PAPPA2: variants seen among roughly 807,000 people sequenced by gnomAD.
PAPPA2 encodes the protein pappalysin 2.
A neutral mutation model predicts 176.4 loss-of-function variants in PAPPA2; 86 were observed. The observed-to-expected ratio is 0.49, with a 90% CI of 0.41 to 0.58. The LOEUF (loss-of-function observed/expected upper bound fraction) is 0.58. Ranked by LOEUF, PAPPA2 falls within the 20% of genes least tolerant of loss-of-function variation. The pLI, the probability that PAPPA2 is intolerant of heterozygous loss-of-function variation, is 0.00. For missense variants in PAPPA2, 2,073 were observed against 2,256.9 expected (o/e 0.92, Z 1.65); for synonymous variants, 809 against 852.2 (o/e 0.95, Z 0.88).
At chr1:176,687,061 T>C (rs1021218956) in intron 4 of PAPPA2, among the ~76,000 whole-genome samples, 2 of 152,232 alleles carry the variant, frequency 1.3e-5, no homozygotes, top group African/African-American at 4.8e-5. Context: ...AATATTTTGT[T>C]CTATATTTTC....
In PAPPA2 at chr1:176,556,395, G is replaced by A; in HGVS notation, c.73G>A (p.Glu25Lys). Reference protein sequence around the residue: ...AGWALCSANSELGWTRKKSLV... With the variant: ...AGWALCSANSKLGWTRKKSLV... ...GTGGGCACTCTGTTCTGCCAACTCT[G>A]AGCTGGGCTGGACACGCAAGAAATC... The change falls in exon 2 of 23, where the codon GAG becomes AAG. Residue 25 changes from glutamate to lysine, a missense_variant. This residue lies in a region of PAPPA2 where 1,196 missense variants were observed against 1,330.4 expected (regional missense o/e 0.90). Transcript: ENST00000367662. 6.2e-7 allele frequency: 1 copy of A among 1,614,196 alleles called. No homozygotes were observed. The highest frequency in any genetic ancestry group is 8.5e-7 in the Non-Finnish European group (1 of 1,180,032).
At position 176,763,670 on chromosome 1, in the gene PAPPA2, G is replaced by T. The variant is rs982445668; in HGVS notation, c.4152-1996G>T. 3.9e-5 allele frequency among the ~76,000 whole-genome samples: 6 copies of T among 152,166 alleles called. No individual in the cohort carries two copies. In the South Asian group the frequency reaches 1.2e-3, roughly 32 times the overall value. ...ACATTGAGCATTTAAGAGACACTCA[G>T]ATACTAATTACCTTGTGAATAAAAG... On this transcript the variant is annotated intron_variant, in intron 14 of 22. Coordinates refer to ENST00000367662, the MANE Select transcript of PAPPA2 (RefSeq NM_020318.3).
intron 3 of PAPPA2, among the ~76,000 whole-genome samples, chr1:176,650,871 T>C (rs1181517563): frequency 6.6e-6 from 1 of 151,720 alleles, no homozygotes; most frequent in African/African-American, 2.4e-5. Context: ...AGATCTATTA[T>C]AGGCTTTTGT....
intron 17 of PAPPA2, 142 bp from the exon 18 acceptor site, chr1:176,789,667 C>T (rs1220764591): frequency 1.2e-6 from 1 of 814,746 alleles, no homozygotes; most frequent in East Asian, 2.7e-5. Context: ...AGAAATTAGC[C>T]TAGGACAGTG....
chr1:176,770,872 C>T (rs1357946947), intron 16 of PAPPA2, 95 bp from the exon 17 acceptor site: 6 of 1,149,112 alleles, frequency 5.2e-6, no homozygotes, highest in Non-Finnish European at 7.6e-6. Context: ...TTTTGAAAGG[C>T]ACCAGTAAGT....
At chr1:176,471,163 C>T (rs964353768) in intron 1 of PAPPA2, among the ~76,000 whole-genome samples, 2 of 152,138 alleles carry the variant, frequency 1.3e-5, no homozygotes, top group African/African-American at 4.8e-5. Context: ...TAGCAAAGCT[C>T]TGTGGAGGAA....
chr1:176,831,016 T>C (rs193138689), intron 21 of PAPPA2, among the ~76,000 whole-genome samples: 1 of 152,292 alleles, frequency 6.6e-6, no homozygotes, highest in African/African-American at 2.4e-5. Flanking sequence ...AGGATCAGCT[T>C]CACTGGAGAA....
chr1:176,727,984 G>T (rs1192679743), intron 12 of PAPPA2, among the ~76,000 whole-genome samples: 1 of 151,604 alleles, frequency 6.6e-6, no homozygotes. Flanking sequence ...TGAAATTTGT[G>T]GATGCAATTA....
chr1:176,771,304 G>C, intron 17 of PAPPA2, 124 bp downstream of exon 17: 1 of 894,940 alleles, frequency 1.1e-6, no homozygotes, highest in Non-Finnish European at 1.7e-6. Flanking sequence ...CAGGCAACCT[G>C]CTGTGCTTTC....
At chr1:176,695,966 ATGTGTGTGTGTGTGTGTGTGTG>A (rs67178111) in intron 7 of PAPPA2, 107 bp downstream of exon 7, 8,633 of 852,456 alleles carry the variant, frequency 0.01, 2 homozygotes, top group Middle Eastern at 0.02. Flanking sequence ...ATGTATGTGT[ATGTGTGTGTGTGTGTGTGTGTG>A]TGTGTGTGTG....
At chr1:176,778,991 T>G (rs537907339) in intron 17 of PAPPA2, among the ~76,000 whole-genome samples, 1 of 152,254 alleles carries the variant, frequency 6.6e-6, no homozygotes, top group African/African-American at 2.4e-5. Context: ...GCAGGCCAGA[T>G]CTTGACTGCG....
chr1:176,467,661 A>G (rs115857474), intron 1 of PAPPA2, among the ~76,000 whole-genome samples: 2,124 of 152,296 alleles, frequency 0.014, 51 homozygotes, highest in African/African-American at 0.048. Flanking sequence ...GGAGCCAGCT[A>G]ACTTCACTCT....
intron 21 of PAPPA2, among the ~76,000 whole-genome samples, chr1:176,807,097 G>A (rs1665939246): frequency 6.6e-6 from 1 of 152,166 alleles, no homozygotes; most frequent in South Asian, 2.1e-4. Flanking sequence ...CATGATAAAG[G>A]ATGCACAAGT....
chr1:176,827,446 G>C (rs1407241421), intron 21 of PAPPA2, among the ~76,000 whole-genome samples: 2 of 152,046 alleles, frequency 1.3e-5, no homozygotes, highest in Non-Finnish European at 2.9e-5. Context: ...TGGCCTTCCT[G>C]CTGGGGTTAT....
intron 1 of PAPPA2, among the ~76,000 whole-genome samples, chr1:176,494,100 A>G (rs957407141): frequency 8.5e-5 from 13 of 152,188 alleles, no homozygotes; most frequent in African/African-American, 3.1e-4. Flanking sequence ...CATAAATTAG[A>G]CTGAAACTTA....
intron 3 of PAPPA2, among the ~76,000 whole-genome samples, chr1:176,615,448 C>A (rs1655148989): frequency 6.6e-6 from 1 of 152,092 alleles, no homozygotes; most frequent in Admixed American, 6.5e-5. Context: ...GTAGCTGGGA[C>A]TACAGGTGCC....
At chr1:176,600,886 C>T (rs1358080866) in intron 3 of PAPPA2, among the ~76,000 whole-genome samples, 4 of 152,148 alleles carry the variant, frequency 2.6e-5, no homozygotes, top group African/African-American at 9.7e-5. Context: ...AAATAGATCA[C>T]TAACATTCGA....
intron 3 of PAPPA2, among the ~76,000 whole-genome samples, chr1:176,647,699 C>A (rs1290098693): frequency 6.6e-6 from 1 of 151,522 alleles, no homozygotes; most frequent in African/African-American, 2.4e-5. Flanking sequence ...GTTTTTGGTA[C>A]CTTTGTCAAA....
chr1:176,502,339 T>G (rs1648014026), intron 1 of PAPPA2, among the ~76,000 whole-genome samples: 1 of 152,228 alleles, frequency 6.6e-6, no homozygotes, highest in Admixed American at 6.5e-5. Context: ...ATAACATAGC[T>G]GTGAAGATAG....
Sources: allele counts gnomAD v4.1 joint callset (sites outside exome capture counted in the v4.1 genomes callset), GRCh38; gene constraint gnomAD v4.1.1; regional missense constraint gnomAD v4.1.1; transcripts MANE v1.5; gene names NCBI Gene and HGNC (gene_info 2026-07-23, HGNC 2026-07-21).